NEBL: variants seen among roughly 807,000 people sequenced by gnomAD.
The protein encoded by NEBL is LIM and SH3 protein 2.
NEBL carries 122 observed loss-of-function variants against 140.2 expected under a neutral mutation model. The ratio of observed to expected loss-of-function variants is 0.87; its 90% CI spans 0.75 to 1.01. The LOEUF is 1.01. Among genes scored for constraint, NEBL ranks in the 50% least tolerant of loss-of-function variants. NEBL has a pLI of 0.00. For missense variants in NEBL, 1,365 were observed against 1,231.3 expected, an observed-to-expected ratio of 1.11 and a Z score of -1.62; for synonymous variants, 436 against 398.9, an observed-to-expected ratio of 1.09 and a Z score of -1.11.
intron 2 of NEBL, among the ~76,000 whole-genome samples, chr10:21,116,251 G>A (rs1316740780): frequency 6.6e-6 from 1 of 152,104 alleles, no homozygotes; most frequent in Non-Finnish European, 1.5e-5. Context: ...CATTCTGTAG[G>A]TTGGAAGTCC....
chr10:20,850,609 A>G (rs930435287), intron 10 of NEBL, 107 bp from the exon 11 acceptor site: 22 of 768,716 alleles, frequency 2.9e-5, no homozygotes, highest in South Asian at 4.7e-5. Flanking sequence ...GTCTAAAATC[A>G]TATTATTCTG....
chr10:21,097,222 G>T (rs969205439), intron 2 of NEBL, among the ~76,000 whole-genome samples: 9 of 148,458 alleles, frequency 6.1e-5, no homozygotes, highest in Non-Finnish European at 1.0e-4. Context: ...GGAGGTCCGG[G>T]GGGGGGGTGG....
intron 3 of NEBL, among the ~76,000 whole-genome samples, chr10:21,194,654 A>T (rs1841621625): frequency 1.3e-5 from 2 of 152,148 alleles, no homozygotes; most frequent in South Asian, 4.1e-4. Flanking sequence ...AAGAATAGAG[A>T]AAGGGAAGTC....
chr10:21,145,603 A>G (rs1208356047), intron 2 of NEBL, among the ~76,000 whole-genome samples: 1 of 152,190 alleles, frequency 6.6e-6, no homozygotes, highest in Non-Finnish European at 1.5e-5. Flanking sequence ...CAACCCTACA[A>G]TATGAGCCAA....
Position 20,783,773 on chromosome 10 carries a change from G to C in NEBL, c.*1974C>G, listed in dbSNP as rs1835181597. On this transcript the variant is annotated 3_prime_UTR_variant, in exon 28 of 28. Coordinates refer to ENST00000377122, the MANE Select transcript of NEBL (RefSeq NM_006393.3). ...AGATTTTTTTGCAAAAATATTGCAA[G>C]TTCAGTTTATTTTTGTAGGTTTGTG... The C allele has an allele frequency of 6.6e-6, 1 of 152,512 alleles. No individual in the cohort carries two copies. The highest frequency in any genetic ancestry group is 1.5e-5 in the Non-Finnish European group (1 of 67,992). The allele number at this position is 152,512 out of a possible 1,614,324, so 9.4% of individuals were successfully genotyped here.
intron 5 of NEBL, among the ~76,000 whole-genome samples, chr10:20,873,246 A>T (rs1845158827): frequency 6.6e-6 from 1 of 152,174 alleles, no homozygotes; most frequent in African/African-American, 2.4e-5. Context: ...TTCAAACCCT[A>T]AATGCTAACC....
rs532421323 is a variant in NEBL at position 21,173,861 on chromosome 10, C to A, written c.-28G>T. The stretch of plus-strand genomic sequence containing the variant: ...TCGCGGTTCCCGGGGGCGGCGGCGG[C>A]GGCGGCTGCTGGCTCCCAGGAGCCG... On this transcript the variant is annotated 5_prime_UTR_variant, in exon 1 of 7. Transcript: ENST00000417816. This position sits in a 1 kb window ranked among gnomAD's most constrained non-coding sequence, Gnocchi z 5.7. 32 of 1,606,614 alleles carry A rather than the reference C, an allele frequency of 2.0e-5. 1 individual carries two copies. The South Asian group carries it at 3.4e-4, about 17-fold the overall frequency.
intron 3 of NEBL, among the ~76,000 whole-genome samples, chr10:20,999,413 A>G (rs1837798742): frequency 6.6e-6 from 1 of 152,140 alleles, no homozygotes; most frequent in Admixed American, 6.5e-5. Flanking sequence ...TCTGGGCAAT[A>G]TGGCAAGACC....
At chr10:21,058,433 A>C (rs964486270) in intron 2 of NEBL, among the ~76,000 whole-genome samples, 1 of 152,204 alleles carries the variant, frequency 6.6e-6, no homozygotes, top group Admixed American at 6.5e-5. Context: ...AACAGCTTCA[A>C]TTTCTTATAA....
chr10:21,241,702 A>G (rs575882694), intron 3 of NEBL, among the ~76,000 whole-genome samples: 1 of 152,280 alleles, frequency 6.6e-6, no homozygotes, highest in South Asian at 2.1e-4. Context: ...GGAGGTTCCT[A>G]TGCCTATACG....
At chr10:21,133,732 C>A (rs1839221108) in intron 2 of NEBL, among the ~76,000 whole-genome samples, 1 of 152,144 alleles carries the variant, frequency 6.6e-6, no homozygotes, top group Non-Finnish European at 1.5e-5. Context: ...AAACCTATGT[C>A]TCAAAATAAT....
chr10:21,126,259 A>T, intron 2 of NEBL: 1 of 817,704 alleles, frequency 1.2e-6, no homozygotes, highest in Non-Finnish European at 1.9e-6. Context: ...AAAATCAGGG[A>T]CTTCTTTTGT....
chr10:20,935,590 G>T (rs1834439625), intron 4 of NEBL, among the ~76,000 whole-genome samples: 2 of 152,160 alleles, frequency 1.3e-5, no homozygotes, highest in Non-Finnish European at 2.9e-5. Flanking sequence ...TGGAATCTGT[G>T]CCTTTTAATG....
rs148368042 is a variant in NEBL, at chr10:21,121,348, G to GTCCCTACCTC, written c.164+51025_164+51034dup. Among the ~76,000 whole-genome samples, 576 of 152,164 alleles carry GTCCCTACCTC rather than the reference G, an allele frequency of 3.8e-3. 3 individuals carry two copies. The highest frequency in any genetic ancestry group is 0.013 in the African/African-American group (547 of 41,502). On this transcript the variant is annotated intron_variant, in intron 2 of 6. Transcript: ENST00000417816. ...CCAATCCCCGTTCTTCCAAGGTTCA[G>GTCCCTACCTC]TCCCTACCTCTTGAGTTCCATCCTA... is the stretch of plus-strand genomic sequence containing the variant.
intron 1 of NEBL, among the ~76,000 whole-genome samples, chr10:21,286,436 T>C (rs570082284): frequency 2.6e-5 from 4 of 152,238 alleles, no homozygotes; most frequent in Non-Finnish European, 5.9e-5. Flanking sequence ...AAAATTGCCA[T>C]ATTAAGAAAG....
At chr10:21,007,342 A>G (rs777644540) in intron 3 of NEBL, among the ~76,000 whole-genome samples, 28 of 152,242 alleles carry the variant, frequency 1.8e-4, no homozygotes, top group Admixed American at 6.5e-4. Context: ...CAGATAAGTT[A>G]CAGGAAGTAT....
At chr10:20,840,712 T>C (rs1174199891) in intron 13 of NEBL, 27 bp downstream of exon 13, 1 of 1,408,750 alleles carries the variant, frequency 7.1e-7, no homozygotes, top group Admixed American at 1.7e-5. Context: ...AACATATTCA[T>C]CTAAGGTGTT....
intron 2 of NEBL, among the ~76,000 whole-genome samples, chr10:21,021,329 A>T (rs1838782165): frequency 6.6e-6 from 1 of 152,152 alleles, no homozygotes; most frequent in Admixed American, 6.5e-5. Context: ...CTCAAATGCA[A>T]ATCTGATCAC....
Position 21,282,882 on chromosome 10 carries a change from T to C in NEBL, n.182+9948A>G, listed in dbSNP as rs187562323. Among the ~76,000 whole-genome samples, 360 of 152,274 alleles carry C rather than the reference T, an allele frequency of 2.4e-3. 3 individuals are homozygous for C. The highest frequency in any genetic ancestry group is 7.9e-3 in the African/African-American group (327 of 41,562). On this transcript the variant is annotated intron_variant and non_coding_transcript_variant, in intron 1 of 8. Coordinates refer to the NEBL transcript ENST00000675702. ...GCTCACGCCTGTAATCCCAGCACTTTGGGAGGCCGAGGCAGGCAGATCACC... is the reference window on the plus strand; with the variant it reads ...GCTCACGCCTGTAATCCCAGCACTTCGGGAGGCCGAGGCAGGCAGATCACC...
Sources: allele counts gnomAD v4.1 joint callset (sites outside exome capture counted in the v4.1 genomes callset), GRCh38; gene constraint gnomAD v4.1.1; non-coding constraint Gnocchi (gnomAD v3.1); transcripts MANE v1.5; gene names NCBI Gene and HGNC (gene_info 2026-07-23, HGNC 2026-07-21).